The following SMC2 variants were observed in gnomAD, a reference collection of about 807,000 sequenced individuals.
SMC2 encodes the protein structural maintenance of chromosomes 2.
In SMC2, 41 loss-of-function variants were observed where a neutral mutation model predicts 142.6. The observed-to-expected ratio is 0.29, with a 90% CI of 0.22 to 0.37. The LOEUF (loss-of-function observed/expected upper bound fraction) is 0.37. Ranked by LOEUF, SMC2 falls within the 10% of genes least tolerant of loss-of-function variation. The probability of loss-of-function intolerance (pLI) is 1.00; values close to 1 mark genes in which losing one functional copy is unlikely to be tolerated. For missense variants in SMC2, 1,265 were observed against 1,373.7 expected, an observed-to-expected ratio of 0.92 and a Z score of 1.25; for synonymous variants, 463 against 457.5, an observed-to-expected ratio of 1.01 and a Z score of -0.15.
chr9:104,106,390 A>G (rs1290199810), intron 9 of SMC2, among the ~76,000 whole-genome samples: 1 of 151,452 alleles, frequency 6.6e-6, no homozygotes, highest in African/African-American at 2.4e-5. Context: ...ATTTTATTTT[A>G]TTTATTTATT....
Position 104,116,319 on chromosome 9 carries a change from TGTAA to T in SMC2, c.1791+3_1791+6del. The T allele has an allele frequency of 1.9e-6, 3 of 1,601,794 alleles. No individual in the cohort carries two copies. The highest frequency in any genetic ancestry group is 2.6e-6 in the Non-Finnish European group (3 of 1,176,168). On this transcript the variant is annotated splice_donor_variant and splice_donor_region_variant and intron_variant, in intron 14 of 24. Coordinates refer to ENST00000374793, the MANE Select transcript of SMC2 (RefSeq NM_006444.3). LOFTEE classifies it high-confidence loss of function. ...AAACTCTGAGAGTTGCTCAGAATCT[TGTAA>T]GTCTCATTTTGTCTTATTTATATGT...
At chr9:104,126,818 A>G in intron 19 of SMC2, 34 bp downstream of exon 19, 1 of 1,569,494 alleles carries the variant, frequency 6.4e-7, no homozygotes. Flanking sequence ...AGAAATTGAA[A>G]ATGCGAATCT....
At position 104,124,910 on chromosome 9, in the gene SMC2, A is replaced by G. The variant is rs1296287366; in HGVS notation, c.2258-2A>G. 1 of 1,578,982 alleles carries G rather than the reference A, an allele frequency of 6.3e-7. No individual in the cohort carries two copies. Among genetic ancestry groups the G allele is most frequent in the South Asian group, 1.2e-5 (1 of 83,186 alleles). On this transcript the variant is annotated splice_acceptor_variant, in intron 17 of 24. Transcript: ENST00000374793. LOFTEE classifies it high-confidence loss of function. ...GCCACATTTGCTTACTTTGTGATGC[A>G]GAGGAAAGTGAGGAGACTTTGAAAA... is the stretch of plus-strand genomic sequence containing the variant.
chr9:104,088,304 C>T, the SMC2 span, among the ~76,000 whole-genome samples: 7 of 151,812 alleles, frequency 4.6e-5, no homozygotes, highest in Non-Finnish European at 1.0e-4. Context: ...AATGAGTGAG[C>T]AGCAAATGAA....
chr9:104,120,653 A>C (rs1254306666), intron 16 of SMC2, among the ~76,000 whole-genome samples: 1 of 152,238 alleles, frequency 6.6e-6, no homozygotes, highest in African/African-American at 2.4e-5. Flanking sequence ...TATCAGCACT[A>C]AAATTTCAGT....
At chr9:104,099,105 A>G (rs948713309) in intron 4 of SMC2, among the ~76,000 whole-genome samples, 1 of 152,112 alleles carries the variant, frequency 6.6e-6, no homozygotes, top group Non-Finnish European at 1.5e-5. Context: ...CTTTAAATGA[A>G]TCTACATTCT....
chr9:104,135,733 T>G (rs1835454600), intron 23 of SMC2: 1 of 431,342 alleles, frequency 2.3e-6, no homozygotes, highest in Admixed American at 3.0e-5. Flanking sequence ...TAAAAATGAC[T>G]TTAGACTTCT....
At chr9:104,095,716 G>A (rs1830379658) in intron 2 of SMC2, among the ~76,000 whole-genome samples, 164 bp downstream of exon 2, 1 of 152,152 alleles carries the variant, frequency 6.6e-6, no homozygotes, top group African/African-American at 2.4e-5. Context: ...CTTTAGATGA[G>A]AAAATAGAAA....
chr9:104,129,515 A>AG, intron 20 of SMC2, 130 bp from the exon 21 acceptor site: 1 of 780,970 alleles, frequency 1.3e-6, no homozygotes. Context: ...AAAAAAAAAA[A>AG]AAATTAGTCA....
At position 104,127,469 on chromosome 9, in the gene SMC2, G is replaced by T; in HGVS notation, c.2779G>T (p.Gly927Cys). The T allele has an allele frequency of 6.2e-7, 1 of 1,607,516 alleles. No individual in the cohort carries two copies. The highest frequency in any genetic ancestry group is 8.5e-7 in the Non-Finnish European group (1 of 1,176,654). ...ISKHKREAED[G>C]AAKVSKMLKD... The stretch of plus-strand genomic sequence containing the variant: ...CAAACATAAACGGGAGGCTGAAGAT[G>T]GTGCTGCAAAGGTATACGTTTGTGT... The change falls in exon 20 of 25, where the codon GGT becomes TGT. Residue 927 changes from glycine (G) to cysteine (C), a missense_variant. By Grantham distance (159) the Gly-to-Cys change is radical. This residue lies in a region of SMC2 where 898 missense variants were observed against 904.2 expected (regional missense o/e 0.99). Coordinates refer to ENST00000374793, the MANE Select transcript of SMC2 (RefSeq NM_006444.3).
At chr9:104,116,460 T>A in intron 14 of SMC2, 141 bp downstream of exon 14, 1 of 672,146 alleles carries the variant, frequency 1.5e-6, no homozygotes, top group Non-Finnish European at 2.4e-6. Context: ...CTTGTGCAAT[T>A]AGATGATAAG....
intron 17 of SMC2, 132 bp downstream of exon 17, chr9:104,123,364 G>T: frequency 2.5e-6 from 2 of 798,516 alleles, no homozygotes; most frequent in South Asian, 2.7e-5. Flanking sequence ...TCCAAGTATG[G>T]GATTTCTAGG....
chr9:104,102,667 G>T (rs1831298384), intron 9 of SMC2, 94 bp downstream of exon 9: 3 of 1,285,998 alleles, frequency 2.3e-6, no homozygotes, highest in South Asian at 3.4e-5. Flanking sequence ...TTTAGTGAGT[G>T]TCTTCTATAA....
chr9:104,092,382 ACAGT>A (rs1369216207), upstream of SMC2: 1 of 152,238 alleles, frequency 6.6e-6, no homozygotes, highest in Non-Finnish European at 1.5e-5. Flanking sequence ...GCAAAGACTA[ACAGT>A]CTGTCTTAAC....
intron 9 of SMC2, among the ~76,000 whole-genome samples, chr9:104,107,107 C>T (rs1011692036): frequency 7.2e-5 from 11 of 152,122 alleles, no homozygotes; most frequent in African/African-American, 2.7e-4. Flanking sequence ...CCTTGGGGTT[C>T]CAACTGGGCT....
chr9:104,115,264 T>C (rs985930580), intron 13 of SMC2, among the ~76,000 whole-genome samples: 5 of 151,448 alleles, frequency 3.3e-5, no homozygotes, highest in Non-Finnish European at 5.9e-5. Flanking sequence ...TTTAATTTAT[T>C]TTATATATAT....
chr9:104,126,748 G>T lies in SMC2; in HGVS notation c.2559G>T (p.Gln853His), dbSNP rs1834337575. ...VNEAIKSYES[Q>H]IEVMAAEVAK... is the part of the protein sequence containing the mutation. ...AAGCTATCAAATCCTATGAAAGTCA[G>T]ATTGAAGTAATGGCAGCTGAGGTGG... is the stretch of plus-strand genomic sequence containing the variant. The change falls in exon 19 of 25, where the codon CAG becomes CAT. Residue 853 changes from glutamine (Q) to histidine (H), a missense_variant. Around this residue, in one of 4 missense-constraint regions of SMC2, gnomAD observed 898 missense variants for 904.2 expected, o/e 0.99. Coordinates refer to ENST00000374793, the MANE Select transcript of SMC2 (RefSeq NM_006444.3). The T allele has an allele frequency of 1.9e-6, 3 of 1,611,598 alleles. No homozygotes were observed. Among genetic ancestry groups the T allele is most frequent in the Admixed American group, 1.7e-5 (1 of 59,196 alleles).
chr9:104,098,738 A>G (rs767275140), intron 4 of SMC2, among the ~76,000 whole-genome samples, 170 bp downstream of exon 4: 1 of 151,998 alleles, frequency 6.6e-6, no homozygotes, highest in Non-Finnish European at 1.5e-5. Flanking sequence ...GCACTGATAT[A>G]TTCTACTGGA....
intron 13 of SMC2, among the ~76,000 whole-genome samples, chr9:104,115,980 T>G (rs955801886): frequency 2.6e-5 from 4 of 152,152 alleles, no homozygotes; most frequent in African/African-American, 9.7e-5. Context: ...CTTCGTCTGA[T>G]TATGTCACTT....
Sources: allele counts gnomAD v4.1 joint callset (sites outside exome capture counted in the v4.1 genomes callset), GRCh38; gene constraint gnomAD v4.1.1; regional missense constraint gnomAD v4.1.1; transcripts MANE v1.5; gene names NCBI Gene and HGNC (gene_info 2026-07-23, HGNC 2026-07-21).